Variants in APBA2 observed in about 807,000 individuals in gnomAD.
APBA2 encodes amyloid beta precursor protein binding family A member 2, also known as amyloid-beta A4 precursor protein-binding family A member 2.
Under a neutral mutation model 75.0 loss-of-function variants are expected in APBA2, and 30 were observed. The observed-to-expected ratio is 0.40, with a 90% CI of 0.30 to 0.54. APBA2 has a LOEUF of 0.54. Ranked by LOEUF, APBA2 falls within the 20% of genes least tolerant of loss-of-function variation. The pLI is 0.49. For missense variants in APBA2, 801 were observed against 1,016.1 expected, an observed-to-expected ratio of 0.79 and a Z score of 2.88; for synonymous variants, 444 against 409.6, an observed-to-expected ratio of 1.08 and a Z score of -1.01.
intron 4 of APBA2, among the ~76,000 whole-genome samples, chr15:29,065,078 T>C (rs2042321142): frequency 6.6e-6 from 1 of 152,050 alleles, no homozygotes; most frequent in Admixed American, 6.5e-5. Context: ...CATCTGCCGG[T>C]GGGGTGTCTA....
chr15:28,920,400 A>G (rs1045809650), intron 1 of APBA2, among the ~76,000 whole-genome samples: 1 of 152,216 alleles, frequency 6.6e-6, no homozygotes, highest in Non-Finnish European at 1.5e-5. Context: ...TTTGCATGCC[A>G]TGACTTGGAG....
chr15:29,047,287 G>C lies in APBA2; in HGVS notation c.-40-6558G>C, dbSNP rs1595825311. On this transcript the variant is annotated intron_variant, in intron 3 of 14. Coordinates refer to ENST00000683413, the MANE Select transcript of APBA2 (RefSeq NM_001353788.2). ...GGGTCCCTTACCCTTTGCACTCATG[G>C]GAAAGAGAGCTGGATCAGAATGTCT... 2.6e-5 allele frequency among the ~76,000 whole-genome samples: 4 copies of C among 152,248 alleles called. No individual in the cohort carries two copies. The South Asian group carries it at 8.3e-4, about 32-fold the overall frequency.
At chr15:29,106,964 C>T (rs937956389) in intron 12 of APBA2, 145 bp downstream of exon 12, 27 of 737,240 alleles carry the variant, frequency 3.7e-5, no homozygotes, top group Middle Eastern at 2.4e-4. Context: ...GGTGACTGGT[C>T]GATGATGGTA....
At chr15:28,971,492 G>A (rs896248556) in intron 2 of APBA2, among the ~76,000 whole-genome samples, 3 of 152,140 alleles carry the variant, frequency 2.0e-5, no homozygotes, top group African/African-American at 7.2e-5. Context: ...ACCCTCACTC[G>A]GGAGATAATA....
chr15:28,992,851 A>G lies in APBA2; in HGVS notation c.-94-2902A>G, dbSNP rs1158435909. On this transcript the variant is annotated intron_variant, in intron 2 of 14. Transcript: ENST00000683413. ...GACCTGTGAATGGCTACACTTGGAG[A>G]GCAGAGTGTTTTGATATCATGGGGA... 2.0e-5 allele frequency among the ~76,000 whole-genome samples: 3 copies of G among 152,198 alleles called. No individual in the cohort carries two copies. The East Asian group carries it at 5.8e-4, about 29-fold the overall frequency.
chr15:29,008,449 A>G (rs1189297518), intron 3 of APBA2, among the ~76,000 whole-genome samples: 1 of 152,166 alleles, frequency 6.6e-6, no homozygotes, highest in Non-Finnish European at 1.5e-5. Context: ...TCAACACCAT[A>G]TCTAGTAAAA....
At chr15:28,947,138 A>G (rs1313121310) in intron 2 of APBA2, among the ~76,000 whole-genome samples, 1 of 152,178 alleles carries the variant, frequency 6.6e-6, no homozygotes. Flanking sequence ...TTTTCCTGCC[A>G]CAGCGCACTT....
intron 1 of APBA2, among the ~76,000 whole-genome samples, chr15:28,894,916 G>A (rs370324153): frequency 1.3e-5 from 2 of 151,996 alleles, no homozygotes; most frequent in African/African-American, 2.4e-5. Context: ...GGAGGGTGGC[G>A]GGGGCAGGTG....
At chr15:28,950,457 C>T (rs1330171612) in intron 2 of APBA2, among the ~76,000 whole-genome samples, 1 of 151,966 alleles carries the variant, frequency 6.6e-6, no homozygotes, top group Non-Finnish European at 1.5e-5. Flanking sequence ...GAAACCCCGT[C>T]TCTATTAAAA....
chr15:28,954,844 C>T (rs1457178032), intron 2 of APBA2, among the ~76,000 whole-genome samples: 2 of 152,308 alleles, frequency 1.3e-5, no homozygotes, highest in African/African-American at 2.4e-5. Context: ...TCCTCCAAAC[C>T]TGGGAACCTT....
intron 2 of APBA2, among the ~76,000 whole-genome samples, chr15:28,963,750 T>C (rs762259225): frequency 3.3e-5 from 5 of 152,246 alleles, no homozygotes; most frequent in Admixed American, 1.3e-4. Flanking sequence ...CAAAGAAATA[T>C]TCAAGAAGAT....
intron 10 of APBA2, among the ~76,000 whole-genome samples, chr15:29,103,601 C>T (rs1443079943): frequency 6.6e-6 from 1 of 152,204 alleles, no homozygotes; most frequent in African/African-American, 2.4e-5. Context: ...GAAGGAGGCG[C>T]AGCCCCGCGG....
chr15:29,077,581 T>A (rs1422541773), intron 6 of APBA2, among the ~76,000 whole-genome samples: 3 of 152,164 alleles, frequency 2.0e-5, no homozygotes, highest in Non-Finnish European at 4.4e-5. Context: ...GCTCCTGGCA[T>A]CCCAGAAGAC....
At chr15:29,042,113 A>G (rs1279718298) in intron 3 of APBA2, among the ~76,000 whole-genome samples, 1 of 152,094 alleles carries the variant, frequency 6.6e-6, no homozygotes. Context: ...TTTGCTGGCG[A>G]TCTTTGATGT....
At chr15:28,948,229 A>G (rs1324107563) in intron 2 of APBA2, among the ~76,000 whole-genome samples, 2 of 152,212 alleles carry the variant, frequency 1.3e-5, no homozygotes, top group Non-Finnish European at 2.9e-5. Flanking sequence ...CTGGGTCACC[A>G]GCTCCTAAGA....
chr15:28,894,417 C>T (rs1265475514), intron 1 of APBA2, among the ~76,000 whole-genome samples: 2 of 152,092 alleles, frequency 1.3e-5, no homozygotes, highest in Non-Finnish European at 2.9e-5. Context: ...GGGTCCAAGG[C>T]CCTCCTAGAG....
At chr15:28,927,600 A>T (rs1310941937) in intron 2 of APBA2, among the ~76,000 whole-genome samples, 6 of 149,338 alleles carry the variant, frequency 4.0e-5, no homozygotes, top group Non-Finnish European at 7.4e-5. Flanking sequence ...TTTTATTTTT[A>T]TTTTTTTGTA....
At chr15:28,900,507 CA>C (rs1369696054) in intron 1 of APBA2, among the ~76,000 whole-genome samples, 1 of 152,234 alleles carries the variant, frequency 6.6e-6, no homozygotes, top group Non-Finnish European at 1.5e-5. Context: ...ATCTTCTTTC[CA>C]GCCAAGGGGG....
chr15:29,103,931 G>A (rs2044266363), intron 10 of APBA2, among the ~76,000 whole-genome samples: 1 of 152,334 alleles, frequency 6.6e-6, no homozygotes, highest in Admixed American at 6.5e-5. Context: ...GCGCCATCTG[G>A]CGGTCCCCGG....
Sources: gnomAD v4.1 joint callset for allele counts (sites outside exome capture counted in the v4.1 genomes callset) on GRCh38, gnomAD v4.1.1 for gene constraint, MANE v1.5 for transcripts, NCBI Gene and HGNC (gene_info 2026-07-23, HGNC 2026-07-21) for gene names.